DDX23: variants seen among roughly 807,000 people sequenced by gnomAD.
The protein encoded by DDX23 is DEAD-box helicase 23.
A neutral mutation model predicts 102.7 loss-of-function variants in DDX23; 33 were observed. The observed-to-expected ratio is 0.32, with a 90% CI of 0.24 to 0.43. DDX23 has a LOEUF of 0.43. DDX23 is among the 20% of genes least tolerant of loss of function. The probability of loss-of-function intolerance (pLI) is 1.00; values close to 1 mark genes in which losing one functional copy is unlikely to be tolerated. For missense variants in DDX23, 549 were observed against 1,086.6 expected, an observed-to-expected ratio of 0.51 and a Z score of 6.96; for synonymous variants, 352 against 376.0, an observed-to-expected ratio of 0.94 and a Z score of 0.74.
At position 48,832,196 on chromosome 12, in the gene DDX23, AGAG is replaced by A. The variant is rs773484859; in HGVS notation, c.1956-13_1956-11del. 1.9e-6 allele frequency: 3 copies of A among 1,613,906 alleles called. No homozygotes were observed. The highest frequency in any genetic ancestry group is 2.5e-6 in the Non-Finnish European group (3 of 1,179,882). On this transcript the variant is annotated splice_polypyrimidine_tract_variant and intron_variant, in intron 14 of 16. Coordinates refer to ENST00000308025, the MANE Select transcript of DDX23 (RefSeq NM_004818.3). The surrounding 1 kb of genome is among the most constrained non-coding windows in gnomAD (Gnocchi z 4.4). ...TGCCAGCAGCTTTTTCCTGGAAGGA[AGAG>A]GAGAAAAACAAGATGCATAATACCT...
In DDX23 at chr12:48,830,989, G is replaced by A. The variant is rs76866888; in HGVS notation, c.2239+153C>T. ...GGACAACAAACCCAGGTAAGATAAA[G>A]GACAGGAGTGCTTCTCATGGGAGCA... On this transcript the variant is annotated intron_variant, in intron 16 of 16. Coordinates refer to ENST00000308025, the MANE Select transcript of DDX23 (RefSeq NM_004818.3). The surrounding 1 kb of genome is among the most constrained non-coding windows in gnomAD (Gnocchi z 4.9). Among the ~76,000 whole-genome samples, 2 of 152,198 alleles carry A rather than the reference G, an allele frequency of 1.3e-5. No individual in the cohort carries two copies. Among genetic ancestry groups the A allele is most frequent in the African/African-American group, 4.8e-5 (2 of 41,450 alleles).
chr12:48,845,155 A>T (rs904866180), intron 2 of DDX23, among the ~76,000 whole-genome samples: 5 of 48,030 alleles, frequency 1.0e-4, no homozygotes, highest in Non-Finnish European at 1.0e-4. Flanking sequence ...TCCATCTTTT[A>T]AAAAAAAAAA....
At position 48,840,011 on chromosome 12, in the gene DDX23, AC is replaced by A; in HGVS notation, c.414+1del. 1 of 1,613,526 alleles carries A rather than the reference AC, an allele frequency of 6.2e-7. No individual in the cohort carries two copies. The highest frequency in any genetic ancestry group is 8.5e-7 in the Non-Finnish European group (1 of 1,179,492). On this transcript the variant is annotated splice_donor_variant, in intron 4 of 16. Transcript: ENST00000308025. LOFTEE classifies it high-confidence loss of function. ...ATGAAAAATATCCTTCCTCTCCTTT[AC>A]CTTAGGCTTCTTATCACCATGTTCA...
intron 1 of DDX23, 28 bp from the exon 2 acceptor site, chr12:48,845,810 A>T (rs1461824349): frequency 1.2e-6 from 2 of 1,609,788 alleles, no homozygotes; most frequent in South Asian, 2.2e-5. Context: ...AGTACTTACA[A>T]TGTACTAGGC....
chr12:48,836,812 G>T lies in DDX23; in HGVS notation c.1011-18C>A. ...GTCTTGCCCTGGAGCAGGGTGTGAG[G>T]AGTAAGTAGAATCAGTGCCCTCCAA... On this transcript the variant is annotated intron_variant, in intron 9 of 16. Transcript: ENST00000308025. This position sits in a 1 kb window ranked among gnomAD's most constrained non-coding sequence, Gnocchi z 6.1. The T allele has an allele frequency of 6.2e-7, 1 of 1,613,402 alleles. No individual in the cohort carries two copies. Among genetic ancestry groups the T allele is most frequent in the Non-Finnish European group, 8.5e-7 (1 of 1,179,406 alleles).
Position 48,836,807 on chromosome 12 carries a change from G to A in DDX23, c.1011-13C>T, listed in dbSNP as rs866878796. ...GCGGAGTCTTGCCCTGGAGCAGGGT[G>A]TGAGGAGTAAGTAGAATCAGTGCCC... On this transcript the variant is annotated splice_polypyrimidine_tract_variant and intron_variant, in intron 9 of 16. Transcript: ENST00000308025. This position sits in a 1 kb window ranked among gnomAD's most constrained non-coding sequence, Gnocchi z 6.1. 7.4e-6 allele frequency: 12 copies of A among 1,613,622 alleles called. No homozygotes were observed. The Middle Eastern group carries it at 2.0e-3, about 266-fold the overall frequency.
At chr12:48,839,795 TTG>T in intron 5 of DDX23, 47 bp downstream of exon 5, 2 of 1,588,468 alleles carry the variant, frequency 1.3e-6, no homozygotes, top group Non-Finnish European at 1.7e-6. Context: ...GTCTGTGGTA[TTG>T]TGTTATGGCA....
At chr12:48,851,457 A>T (rs1938756755) in intron 1 of DDX23, among the ~76,000 whole-genome samples, 1 of 151,880 alleles carries the variant, frequency 6.6e-6, no homozygotes, top group African/African-American at 2.4e-5. Flanking sequence ...TAGGCGACAG[A>T]GCGAGACTCC....
Position 48,836,284 on chromosome 12 carries a change from A to G in DDX23, c.1237-18T>C, listed in dbSNP as rs764864417. On this transcript the variant is annotated intron_variant, in intron 10 of 16. Coordinates refer to ENST00000308025, the MANE Select transcript of DDX23 (RefSeq NM_004818.3). This position sits in a 1 kb window ranked among gnomAD's most constrained non-coding sequence, Gnocchi z 6.1. ...GTTGGTTCCTGCAGTGACCCCAAGA[A>G]AGAGTAATAGGTACAGGGAGAGTTA... 1.9e-6 allele frequency: 3 copies of G among 1,613,758 alleles called. No individual in the cohort carries two copies. In the African/African-American group the frequency reaches 4.0e-5, roughly 22 times the overall value.
chr12:48,838,168 G>T, intron 5 of DDX23, 88 bp from the exon 6 acceptor site: 3 of 1,580,986 alleles, frequency 1.9e-6, no homozygotes, highest in Non-Finnish European at 1.7e-6. Context: ...GAACCCAAAA[G>T]TATTTGCTCA....
At position 48,832,621 on chromosome 12, in the gene DDX23, A is replaced by T; in HGVS notation, c.1804-48T>A. On this transcript the variant is annotated intron_variant, in intron 13 of 16. Transcript: ENST00000308025. The surrounding 1 kb of genome is among the most constrained non-coding windows in gnomAD (Gnocchi z 4.4). ...CCTGCACCCAGGCAGGAATAATCAT[A>T]TATCCCACTGTCACCGAAGGCAGGT... 1.2e-6 allele frequency: 2 copies of T among 1,600,736 alleles called. No homozygotes were observed. The highest frequency in any genetic ancestry group is 1.7e-6 in the Non-Finnish European group (2 of 1,170,300).
intron 1 of DDX23, chr12:48,847,274 T>A (rs1938683034): frequency 6.6e-6 from 1 of 152,214 alleles, no homozygotes. Context: ...CCTAGCACTT[T>A]TGGAGGCCAA....
At chr12:48,848,625 C>T (rs1017425443) in intron 1 of DDX23, among the ~76,000 whole-genome samples, 4 of 152,148 alleles carry the variant, frequency 2.6e-5, no homozygotes, top group Admixed American at 6.6e-5. Flanking sequence ...CACCCTCTCA[C>T]GCAAGATGGA....
In DDX23 at chr12:48,844,192, G is replaced by A. The variant is rs1938623715; in HGVS notation, c.210-142C>T. On this transcript the variant is annotated intron_variant, in intron 2 of 16. Transcript: ENST00000308025. ...TGTATCTCTCACGGAAATAACGAGG[G>A]AATTCTAAGAAGCTTTTATAGATCA... 9.0e-6 allele frequency: 7 copies of A among 779,174 alleles called. No individual in the cohort carries two copies. The South Asian group carries it at 1.1e-4, about 13-fold the overall frequency. 48.3% of individuals were successfully genotyped at this position (779,174 alleles called of 1,614,324 possible).
intron 3 of DDX23, among the ~76,000 whole-genome samples, chr12:48,842,428 C>T (rs1309975725): frequency 1.2e-4 from 17 of 142,824 alleles, no homozygotes; most frequent in Non-Finnish European, 2.3e-4. Context: ...CCCGGCCAGC[C>T]GCCCCATCCG....
At chr12:48,839,122 A>G (rs2137486844) in intron 5 of DDX23, among the ~76,000 whole-genome samples, 1 of 152,166 alleles carries the variant, frequency 6.6e-6, no homozygotes, top group South Asian at 2.1e-4. Context: ...TGATCCTCCC[A>G]TCTTGGCCTT....
intron 1 of DDX23, among the ~76,000 whole-genome samples, chr12:48,851,202 T>C (rs1350239958): frequency 1.3e-5 from 2 of 152,224 alleles, no homozygotes; most frequent in Admixed American, 1.3e-4. Context: ...TCGGACGCGG[T>C]GGCTCACGCA....
chr12:48,840,501 T>A (rs1263199911), intron 3 of DDX23, among the ~76,000 whole-genome samples: 1 of 151,738 alleles, frequency 6.6e-6, no homozygotes, highest in South Asian at 2.1e-4. Flanking sequence ...CAAAACCCTG[T>A]CTCTAGTAAA....
intron 1 of DDX23, 118 bp from the exon 2 acceptor site, chr12:48,845,900 A>T: frequency 1.8e-6 from 2 of 1,096,432 alleles, no homozygotes; most frequent in Non-Finnish European, 2.6e-6. Context: ...TGTCTACCGT[A>T]CAGATGAGAA....
Sources: gnomAD v4.1 joint callset for allele counts (sites outside exome capture counted in the v4.1 genomes callset) on GRCh38, gnomAD v4.1.1 for gene constraint, Gnocchi (gnomAD v3.1) non-coding constraint, MANE v1.5 for transcripts, NCBI Gene and HGNC (gene_info 2026-07-23, HGNC 2026-07-21) for gene names.